The following PTPN4 variants were observed in gnomAD, a reference collection of about 807,000 sequenced individuals.
PTPN4 encodes tyrosine-protein phosphatase non-receptor type 4.
Under a neutral mutation model 135.5 loss-of-function variants are expected in PTPN4, and 49 were observed. The observed-to-expected ratio is 0.36, with a 90% CI of 0.29 to 0.46. The LOEUF (loss-of-function observed/expected upper bound fraction) is 0.46. Among genes scored for constraint, PTPN4 ranks in the 20% least tolerant of loss-of-function variants. The pLI is 1.00. For synonymous variants in PTPN4, 333 were observed against 369.9 expected (o/e 0.90, Z 1.14); for missense variants, 860 against 1,101.0 (o/e 0.78, Z 3.10).
chr2:119,783,212 A>G (rs1275934465), intron 1 of PTPN4, among the ~76,000 whole-genome samples: 2 of 152,200 alleles, frequency 1.3e-5, no homozygotes, highest in African/African-American at 2.4e-5. Context: ...ATTTAGGAAC[A>G]TAGGAAGCTA....
At position 119,769,951 on chromosome 2, in the gene PTPN4, G is replaced by T. The variant is rs564496561; in HGVS notation, c.-18+9567G>T. Among the ~76,000 whole-genome samples the T allele has an allele frequency of 5.3e-5, 8 of 152,302 alleles. No individual in the cohort carries two copies. In the East Asian group the frequency reaches 1.4e-3, roughly 26 times the overall value. On this transcript the variant is annotated intron_variant, in intron 1 of 26. Transcript: ENST00000263708. ...TCTTGTGTTTTTGTTATACAGTTGT[G>T]TAAAGAGCTTCTCTTTGCTCATTTT...
At chr2:119,847,247 A>C (rs1677513669) in intron 2 of PTPN4, among the ~76,000 whole-genome samples, 1 of 146,836 alleles carries the variant, frequency 6.8e-6, no homozygotes, top group African/African-American at 2.5e-5. Flanking sequence ...ATAATAAATC[A>C]GTTAAGAAAA....
rs3835789 is a variant in PTPN4, at chr2:119,876,897, A to ATGTGTGTGTGTG, written c.247-393_247-382dup. On this transcript the variant is annotated intron_variant, in intron 3 of 26. Transcript: ENST00000263708. ...CTGAATGAGTATAAAGCCCAAGAGC[A>ATGTGTGTGTGTG]TGTGTGTGTGTGTGTGTGTGTGTGT... is the stretch of plus-strand genomic sequence containing the variant. Among the ~76,000 whole-genome samples the ATGTGTGTGTGTG allele has an allele frequency of 3.3e-3, 455 of 136,114 alleles. 3 individuals are homozygous for ATGTGTGTGTGTG. The highest frequency in any genetic ancestry group is 4.1e-3 in the Non-Finnish European group (260 of 63,434). The allele number at this position is 136,114 out of a possible 152,430, so 89.3% of individuals were successfully genotyped here.
chr2:119,820,770 T>G (rs545617959), intron 2 of PTPN4, among the ~76,000 whole-genome samples: 205 of 152,232 alleles, frequency 1.3e-3, no homozygotes, highest in Admixed American at 3.9e-3. Context: ...TTTAACATTC[T>G]TTTCAATAAT....
At position 119,813,097 on chromosome 2, in the gene PTPN4, C is replaced by T. The variant is rs573057107; in HGVS notation, c.138+3106C>T. ...TTTTGCTCCATTATGTATCAGTCCT[C>T]GGCTGGAAGACTCAAAGGCTGGAGG... On this transcript the variant is annotated intron_variant, in intron 2 of 26. Coordinates refer to ENST00000263708, the MANE Select transcript of PTPN4 (RefSeq NM_002830.4). 3.8e-4 allele frequency among the ~76,000 whole-genome samples: 58 copies of T among 152,120 alleles called. 1 individual carries two copies. Among genetic ancestry groups the T allele is most frequent in the African/African-American group, 1.3e-3 (53 of 41,432 alleles).
rs1679296678 is a variant in PTPN4, at chr2:119,956,914, G to A, written c.2051G>A (p.Arg684Lys). The A allele has an allele frequency of 6.2e-7, 1 of 1,607,428 alleles. No individual in the cohort carries two copies. The highest frequency in any genetic ancestry group is 2.2e-5 in the East Asian group (1 of 44,622). The change falls in exon 21 of 27, where the codon AGA becomes AAA. Residue 684 changes from arginine (R) to lysine (K), a missense_variant. Around this residue, in one of 2 missense-constraint regions of PTPN4, gnomAD observed 684 missense variants for 807.0 expected, o/e 0.85. Transcript: ENST00000263708. The stretch of plus-strand genomic sequence containing the variant: ...TTACCTCAGAATATTTCCAAAAATA[G>A]ATACAGAGATATTTCGCCTTGTAAG... ...AKLPQNISKNRYRDISPYDAT... is the reference protein window; with the variant it reads ...AKLPQNISKNKYRDISPYDAT...
chr2:119,801,977 TG>T (rs1463190771), intron 1 of PTPN4, among the ~76,000 whole-genome samples: 16 of 140,818 alleles, frequency 1.1e-4, no homozygotes, highest in Admixed American at 2.2e-4. Context: ...CTTGGCTCAC[TG>T]CAACCTCCGC....
In PTPN4 at chr2:119,881,833, G is replaced by A. The variant is rs1372925247; in HGVS notation, c.413+3G>A. On this transcript the variant is annotated splice_donor_region_variant and intron_variant, in intron 6 of 26. Transcript: ENST00000263708. ...AAACAAGACATTCTTACTGGAAGGT[G>A]GGCTCTTTAAATTTCTTAAAAAATT... The A allele has an allele frequency of 1.9e-6, 3 of 1,553,276 alleles. No individual in the cohort carries two copies. The highest frequency in any genetic ancestry group is 1.8e-6 in the Non-Finnish European group (2 of 1,137,184).
At chr2:119,850,823 T>C (rs1473749529) in intron 2 of PTPN4, among the ~76,000 whole-genome samples, 1 of 152,266 alleles carries the variant, frequency 6.6e-6, no homozygotes, top group Non-Finnish European at 1.5e-5. Context: ...AGTTCCTTTC[T>C]GTACATTATT....
chr2:119,954,128 A>T (rs1025443953), intron 19 of PTPN4, among the ~76,000 whole-genome samples: 2 of 152,086 alleles, frequency 1.3e-5, no homozygotes, highest in Non-Finnish European at 2.9e-5. Flanking sequence ...ATTTCTTCTT[A>T]GGCAAAATGT....
intron 9 of PTPN4, among the ~76,000 whole-genome samples, chr2:119,898,736 G>A (rs1000625489): frequency 6.6e-6 from 1 of 152,134 alleles, no homozygotes; most frequent in African/African-American, 2.4e-5. Context: ...TAACATTTGT[G>A]TCCCTGAAGG....
chr2:119,892,201 A>C (rs1678250739), intron 9 of PTPN4, among the ~76,000 whole-genome samples: 1 of 152,352 alleles, frequency 6.6e-6, no homozygotes, highest in Non-Finnish European at 1.5e-5. Context: ...TATTGATAGA[A>C]GTCAGAATAG....
At chr2:119,804,498 C>A (rs907638030) in intron 1 of PTPN4, among the ~76,000 whole-genome samples, 2 of 152,154 alleles carry the variant, frequency 1.3e-5, no homozygotes, top group Non-Finnish European at 2.9e-5. Flanking sequence ...TCTCATTGTT[C>A]ATTTCCCACC....
chr2:119,790,435 A>G (rs1269169973), intron 1 of PTPN4, among the ~76,000 whole-genome samples: 3 of 152,074 alleles, frequency 2.0e-5, no homozygotes, highest in Non-Finnish European at 4.4e-5. Flanking sequence ...TTATACAATA[A>G]GAGTAAAACT....
chr2:119,779,140 A>C (rs1424892400), intron 1 of PTPN4, among the ~76,000 whole-genome samples: 1 of 152,170 alleles, frequency 6.6e-6, no homozygotes, highest in Non-Finnish European at 1.5e-5. Flanking sequence ...TCTGTTGCCA[A>C]GTTCAGTTCA....
chr2:119,839,450 CATAA>C (rs368674960), intron 2 of PTPN4, among the ~76,000 whole-genome samples: 11 of 152,194 alleles, frequency 7.2e-5, no homozygotes, highest in African/African-American at 2.7e-4. Context: ...CTTTCAAACA[CATAA>C]ATATGATTAC....
chr2:119,790,555 T>C (rs571883698), intron 1 of PTPN4, among the ~76,000 whole-genome samples: 70 of 152,036 alleles, frequency 4.6e-4, no homozygotes, highest in African/African-American at 1.7e-3. Flanking sequence ...TTATATATAT[T>C]TTTATATTGT....
intron 1 of PTPN4, among the ~76,000 whole-genome samples, chr2:119,786,580 A>C (rs565526718): frequency 9.2e-5 from 14 of 152,110 alleles, no homozygotes; most frequent in Non-Finnish European, 1.8e-4. Flanking sequence ...TCCTTTCTAC[A>C]TGTGACCTGG....
chr2:119,844,844 A>T (rs1032977566), intron 2 of PTPN4, among the ~76,000 whole-genome samples: 1 of 146,856 alleles, frequency 6.8e-6, no homozygotes, highest in African/African-American at 2.6e-5. Context: ...CACTTCCCAG[A>T]CGGTGTGGCA....
Sources: allele counts gnomAD v4.1 joint callset (sites outside exome capture counted in the v4.1 genomes callset), GRCh38; gene constraint gnomAD v4.1.1; regional missense constraint gnomAD v4.1.1; transcripts MANE v1.5; gene names NCBI Gene and HGNC (gene_info 2026-07-23, HGNC 2026-07-21).